The following RNF24 variants were observed in gnomAD, a reference collection of about 807,000 sequenced individuals.
The protein encoded by RNF24 is ring finger protein 24.
RNF24 carries 14 observed loss-of-function variants against 20.0 expected under a neutral mutation model. The observed-to-expected ratio is 0.70, with a 90% CI of 0.46 to 1.10. RNF24 has a LOEUF of 1.10. Ranked by LOEUF, RNF24 falls within the 50% of genes least tolerant of loss-of-function variation. RNF24 has a pLI of 0.00. For synonymous variants in RNF24, 45 were observed against 61.1 expected (o/e 0.74, Z 1.23); for missense variants, 124 against 177.6 (o/e 0.70, Z 1.71).
chr20:3,935,121 C>G (rs201631936), intron 4 of RNF24, 48 bp from the exon 5 acceptor site: 1 of 1,537,340 alleles, frequency 6.5e-7, no homozygotes, highest in Non-Finnish European at 9.0e-7. Flanking sequence ...TAAGTACCCT[C>G]CCAGGTACAA....
chr20:3,986,702 C>T (rs555372039), intron 1 of RNF24, among the ~76,000 whole-genome samples: 86 of 150,524 alleles, frequency 5.7e-4, no homozygotes, highest in Non-Finnish European at 1.2e-3. Flanking sequence ...GGCTAGAGTG[C>T]AGTGGCACAA....
rs2090823638 is a variant in RNF24 at position 3,931,603 on chromosome 20, T to A, written c.*2460A>T. 1 of 152,190 alleles carries A rather than the reference T, an allele frequency of 6.6e-6. No individual in the cohort carries two copies. The allele number at this position is 152,190 out of a possible 1,614,324, so 9.4% of individuals were successfully genotyped here. ...GAACTACTGCTAGTGATACTAGGCTTGCTGCAGGAGGATGTCACGCTGAGA... is the reference window on the plus strand; with the variant it reads ...GAACTACTGCTAGTGATACTAGGCTAGCTGCAGGAGGATGTCACGCTGAGA... On this transcript the variant is annotated 3_prime_UTR_variant, in exon 6 of 6. Coordinates refer to ENST00000358395, the MANE Select transcript of RNF24 (RefSeq NM_001134337.3).
At chr20:4,000,363 A>G (rs1981290192) in intron 1 of RNF24, among the ~76,000 whole-genome samples, 1 of 152,030 alleles carries the variant, frequency 6.6e-6, no homozygotes, top group Admixed American at 6.6e-5. Flanking sequence ...GTCTCTACTA[A>G]AGATACAAAA....
In RNF24 at chr20:3,930,426, C is replaced by T. The variant is rs540633796; in HGVS notation, c.*3637G>A. On this transcript the variant is annotated 3_prime_UTR_variant, in exon 6 of 6. Transcript: ENST00000358395. Reference sequence around the variant, plus strand: ...GATGATGTTATGTGGTATCAGCAGCCCCCATGACACCAGGCCTGCTGCCTA... The same window carrying T: ...GATGATGTTATGTGGTATCAGCAGCTCCCATGACACCAGGCCTGCTGCCTA... The T allele has an allele frequency of 6.6e-6, 1 of 151,550 alleles. No homozygotes were observed. Among genetic ancestry groups the T allele is most frequent in the African/African-American group, 2.4e-5 (1 of 40,830 alleles). The allele number at this position is 151,550 out of a possible 1,614,324, so 9.4% of individuals were successfully genotyped here.
chr20:3,976,120 G>A (rs925644942), intron 1 of RNF24, among the ~76,000 whole-genome samples: 1 of 152,098 alleles, frequency 6.6e-6, no homozygotes, highest in Non-Finnish European at 1.5e-5. Flanking sequence ...CTAAACCCCA[G>A]AATTGTGAGA....
At chr20:3,995,176 T>C (rs953271348) in intron 1 of RNF24, among the ~76,000 whole-genome samples, 7 of 152,068 alleles carry the variant, frequency 4.6e-5, no homozygotes, top group South Asian at 2.1e-4. Context: ...ATCTATAATA[T>C]AGGGAGAGTT....
rs1204662306 is a variant in RNF24, at chr20:3,934,819, T to G, written c.308+175A>C. 1.3e-5 allele frequency among the ~76,000 whole-genome samples: 2 copies of G among 152,132 alleles called. No individual in the cohort carries two copies. Among genetic ancestry groups the G allele is most frequent in the East Asian group, 3.9e-4 (2 of 5,186 alleles). On this transcript the variant is annotated intron_variant, in intron 5 of 5. Transcript: ENST00000358395. This position sits in a 1 kb window ranked among gnomAD's most constrained non-coding sequence, Gnocchi z 4.0. Reference sequence around the variant, plus strand: ...GGTCACGTTCCACCACTCTGCTGTCTCCTAATGTCACGCACACACACACAC... The same window carrying G: ...GGTCACGTTCCACCACTCTGCTGTCGCCTAATGTCACGCACACACACACAC...
At chr20:3,935,576 T>TG (rs1237133154) in intron 4 of RNF24, among the ~76,000 whole-genome samples, 1 of 152,224 alleles carries the variant, frequency 6.6e-6, no homozygotes, top group Non-Finnish European at 1.5e-5. Context: ...CCTCCCACTT[T>TG]GGCACTGTCC....
chr20:3,979,636 T>C (rs747518073), intron 1 of RNF24, among the ~76,000 whole-genome samples: 6 of 152,172 alleles, frequency 3.9e-5, no homozygotes, highest in Non-Finnish European at 2.9e-5. Context: ...GATTACGCCA[T>C]TGCACTCCAA....
chr20:3,928,903 T>C lies in RNF24; in HGVS notation c.*5160A>G, dbSNP rs1568600770. 5 of 151,504 alleles carry C rather than the reference T, an allele frequency of 3.3e-5. No homozygotes were observed. The East Asian group carries it at 9.8e-4, about 30-fold the overall frequency. The allele number at this position is 151,504 out of a possible 1,614,324, so 9.4% of individuals were successfully genotyped here. On this transcript the variant is annotated 3_prime_UTR_variant, in exon 6 of 6. Transcript: ENST00000358395. Reference sequence around the variant, plus strand: ...TCTCGCTCTGTTGCCCAGGCTGGAGTGCAGTGGGGATCTTGGCTCACTGCA... The same window carrying C: ...TCTCGCTCTGTTGCCCAGGCTGGAGCGCAGTGGGGATCTTGGCTCACTGCA...
intron 1 of RNF24, among the ~76,000 whole-genome samples, chr20:3,964,403 G>A (rs190959149): frequency 1.3e-5 from 2 of 152,196 alleles, no homozygotes; most frequent in African/African-American, 4.8e-5. Flanking sequence ...CTCAACCCTT[G>A]AAGTAACAAT....
chr20:3,965,959 A>C (rs749102655), intron 1 of RNF24, among the ~76,000 whole-genome samples: 16 of 151,846 alleles, frequency 1.1e-4, no homozygotes, highest in Non-Finnish European at 2.1e-4. Flanking sequence ...CATGGCGACA[A>C]TGTGTCTCTA....
At chr20:3,975,163 A>G (rs1036517065) in intron 1 of RNF24, among the ~76,000 whole-genome samples, 2 of 152,218 alleles carry the variant, frequency 1.3e-5, no homozygotes, top group African/African-American at 2.4e-5. Context: ...GAGAGAGTAT[A>G]TGGTCTTTTC....
chr20:3,998,717 T>C (rs1203146634), intron 1 of RNF24, among the ~76,000 whole-genome samples: 2 of 144,990 alleles, frequency 1.4e-5, no homozygotes, highest in East Asian at 4.3e-4. Flanking sequence ...GATCACGCCA[T>C]TGTACTCTAG....
At chr20:3,942,165 A>G (rs2090964171) in intron 4 of RNF24, among the ~76,000 whole-genome samples, 1 of 142,670 alleles carries the variant, frequency 7.0e-6, no homozygotes, top group Admixed American at 6.8e-5. Context: ...TATTAATATC[A>G]GAAAAATATT....
intron 4 of RNF24, among the ~76,000 whole-genome samples, chr20:3,939,943 T>C (rs1390540754): frequency 1.3e-5 from 2 of 152,116 alleles, no homozygotes; most frequent in Non-Finnish European, 2.9e-5. Context: ...TTATTTTTGA[T>C]GCTATTACAA....
At chr20:4,008,472 T>C (rs1982138724) in intron 1 of RNF24, among the ~76,000 whole-genome samples, 1 of 114,440 alleles carries the variant, frequency 8.7e-6, no homozygotes, top group African/African-American at 3.5e-5. Context: ...ATATAATATG[T>C]ATAATATATA....
chr20:3,950,534 G>T (rs2300219), intron 2 of RNF24, among the ~76,000 whole-genome samples: 1 of 152,136 alleles, frequency 6.6e-6, no homozygotes, highest in Admixed American at 6.5e-5. Flanking sequence ...CTTCACAATT[G>T]TAAGAAATTA....
Position 3,932,742 on chromosome 20 carries a change from C to T in RNF24, c.*1321G>A, listed in dbSNP as rs1478070232. 3.0e-5 allele frequency: 12 copies of T among 395,410 alleles called. No homozygotes were observed. The highest frequency in any genetic ancestry group is 1.4e-4 in the South Asian group (1 of 6,992). The allele number at this position is 395,410 out of a possible 1,614,324, so 24.5% of individuals were successfully genotyped here. On this transcript the variant is annotated 3_prime_UTR_variant, in exon 6 of 6. Transcript: ENST00000358395. ...CAGGCGCTCCTAAGATGGAGGGAGG[C>T]GGAGAGCAGGGCTGTGGAAAAGAAT...
Sources: gnomAD v4.1 joint callset for allele counts (sites outside exome capture counted in the v4.1 genomes callset) on GRCh38, gnomAD v4.1.1 for gene constraint, Gnocchi (gnomAD v3.1) non-coding constraint, MANE v1.5 for transcripts, NCBI Gene and HGNC (gene_info 2026-07-23, HGNC 2026-07-21) for gene names.